CACNA1E: variants seen among roughly 807,000 people sequenced by gnomAD.
CACNA1E encodes the protein calcium voltage-gated channel subunit alpha1 E.
A neutral mutation model predicts 259.2 loss-of-function variants in CACNA1E; 40 were observed. That is an observed-to-expected ratio of 0.15 (90% CI 0.12 to 0.20). The LOEUF is 0.20. CACNA1E is among the 10% of genes least tolerant of loss of function. The probability of loss-of-function intolerance (pLI) is 1.00; values close to 1 mark genes in which losing one functional copy is unlikely to be tolerated. For synonymous variants in CACNA1E, 1,104 were observed against 1,138.5 expected, an observed-to-expected ratio of 0.97 and a Z score of 0.61; for missense variants, 1,874 against 3,040.1, an observed-to-expected ratio of 0.62 and a Z score of 9.02.
chr1:181,633,261 A>G (rs1354381790), intron 6 of CACNA1E, among the ~76,000 whole-genome samples: 4 of 152,088 alleles, frequency 2.6e-5, no homozygotes, highest in Non-Finnish European at 4.4e-5. Context: ...GCAGAACCTG[A>G]GTATAATATC....
chr1:181,734,237 C>A (rs1282129633), intron 21 of CACNA1E, among the ~76,000 whole-genome samples: 1 of 152,062 alleles, frequency 6.6e-6, no homozygotes, highest in African/African-American at 2.4e-5. Flanking sequence ...TGAGGCCTTT[C>A]CCTGTACTAA....
intron 38 of CACNA1E, among the ~76,000 whole-genome samples, chr1:181,779,819 TACACACACACACAC>T (rs56301632): frequency 4.0e-5 from 6 of 148,292 alleles, no homozygotes; most frequent in Admixed American, 2.7e-4. Context: ...TATGCACATG[TACACACACACACAC>T]ACACACACAC....
chr1:181,720,120 T>C (rs1255037985), intron 13 of CACNA1E, 86 bp from the exon 14 acceptor site: 1 of 1,468,714 alleles, frequency 6.8e-7, no homozygotes, highest in Admixed American at 1.8e-5. Flanking sequence ...GCTTATTTCA[T>C]AGACTACCAG....
intron 7 of CACNA1E, among the ~76,000 whole-genome samples, chr1:181,672,576 A>G (rs115706303): frequency 0.019 from 2,935 of 152,184 alleles, 30 homozygotes; most frequent in Middle Eastern, 0.034. Context: ...GTCAGAGGGA[A>G]CCTCGAGGCC....
At chr1:181,566,919 G>A (rs1056067058) in intron 3 of CACNA1E, among the ~76,000 whole-genome samples, 15 of 152,032 alleles carry the variant, frequency 9.9e-5, no homozygotes, top group African/African-American at 3.6e-4. Flanking sequence ...GGTGGGAGGG[G>A]GTTGGCAGGA....
chr1:181,739,310 G>A (rs1656342655), intron 25 of CACNA1E, 57 bp downstream of exon 25: 1 of 1,175,402 alleles, frequency 8.5e-7, no homozygotes, highest in Admixed American at 1.7e-5. Flanking sequence ...GGAGACTCCA[G>A]TTGATTTGAA....
At position 181,726,050 on chromosome 1, in the gene CACNA1E, C is replaced by T. The variant is rs376705486; in HGVS notation, c.2143-15C>T. ...CTGGGGATCCCAGGCAAAGCCATCT[C>T]TGCTTTGTGTCTAGGATGAACAGGA... On this transcript the variant is annotated splice_polypyrimidine_tract_variant and intron_variant, in intron 17 of 47. Coordinates refer to ENST00000367573, the MANE Select transcript of CACNA1E (RefSeq NM_001205293.3). 8.2e-6 allele frequency: 13 copies of T among 1,594,110 alleles called. No homozygotes were observed. In the African/African-American group the frequency reaches 1.2e-4, roughly 15 times the overall value.
intron 6 of CACNA1E, among the ~76,000 whole-genome samples, chr1:181,599,089 C>T (rs1653484140): frequency 6.6e-6 from 1 of 152,164 alleles, no homozygotes; most frequent in Admixed American, 6.5e-5. Flanking sequence ...ACTAGCTATT[C>T]TTCCTGAGCC....
At chr1:181,342,965 C>G (rs1571613392) in intron 1 of CACNA1E, among the ~76,000 whole-genome samples, 1 of 152,064 alleles carries the variant, frequency 6.6e-6, no homozygotes. Flanking sequence ...CATCAAGAGC[C>G]AGGGGAGAGG....
intron 1 of CACNA1E, among the ~76,000 whole-genome samples, chr1:181,350,174 C>G (rs928029898): frequency 6.6e-6 from 1 of 152,202 alleles, no homozygotes; most frequent in Non-Finnish European, 1.5e-5. Flanking sequence ...ATGCAGGCAG[C>G]CTTCCCTAAG....
At chr1:181,736,899 C>G (rs577343872) in intron 22 of CACNA1E, among the ~76,000 whole-genome samples, 1 of 152,152 alleles carries the variant, frequency 6.6e-6, no homozygotes, top group African/African-American at 2.4e-5. Flanking sequence ...CTACTCAGAG[C>G]AGAGGCAGGG....
intron 7 of CACNA1E, among the ~76,000 whole-genome samples, chr1:181,686,280 T>TTTTTTTTTTTTTTTG (rs1377272062): frequency 2.5e-5 from 3 of 122,076 alleles, no homozygotes; most frequent in Non-Finnish European, 5.1e-5. Context: ...ACCAAGTTTT[T>TTTTTTTTTTTTTTTG]TTTTTTTTTT....
chr1:181,479,888 C>G (rs181589542), upstream of CACNA1E, among the ~76,000 whole-genome samples: 1 of 152,158 alleles, frequency 6.6e-6, no homozygotes, highest in South Asian at 2.1e-4. Context: ...TGTCAAGGGT[C>G]GTGATACATG....
In CACNA1E at chr1:181,370,892, C is replaced by T. The variant is rs565550258; in HGVS notation, c.-14-42241C>T. On this transcript the variant is annotated intron_variant, in intron 1 of 11. Transcript: ENST00000524607. ...CTGAGCTAATTTACATTTCTACCATCAGCATATAAGTATTCCCTTTTCTCC... is the reference window on the plus strand; with the variant it reads ...CTGAGCTAATTTACATTTCTACCATTAGCATATAAGTATTCCCTTTTCTCC... Among the ~76,000 whole-genome samples the T allele has an allele frequency of 5.9e-5, 9 of 152,302 alleles. No individual in the cohort carries two copies. In the East Asian group the frequency reaches 1.7e-3, roughly 29 times the overall value.
intron 7 of CACNA1E, among the ~76,000 whole-genome samples, chr1:181,661,871 T>A (rs1043327344): frequency 6.6e-6 from 1 of 152,224 alleles, no homozygotes; most frequent in Non-Finnish European, 1.5e-5. Context: ...TGAGATCTAC[T>A]AGGCACAAAC....
At chr1:181,662,968 A>AAATTC in intron 7 of CACNA1E, among the ~76,000 whole-genome samples, 1 of 152,216 alleles carries the variant, frequency 6.6e-6, no homozygotes, top group Admixed American at 6.5e-5. Context: ...TTTCTTTGTT[A>AAATTC]AATTCCTGCT....
chr1:181,529,725 G>C (rs755647800), intron 3 of CACNA1E, among the ~76,000 whole-genome samples: 48 of 152,140 alleles, frequency 3.2e-4, no homozygotes, highest in Non-Finnish European at 4.7e-4. Flanking sequence ...GATTTGCATG[G>C]GCCCTGCAAC....
At chr1:181,740,178 A>G (rs1656429058) in intron 25 of CACNA1E, among the ~76,000 whole-genome samples, 2 of 152,182 alleles carry the variant, frequency 1.3e-5, no homozygotes, top group Admixed American at 1.3e-4. Flanking sequence ...TACAAGTGGA[A>G]GCCTCATCTT....
At chr1:181,338,614 T>C (rs560399323) in intron 1 of CACNA1E, among the ~76,000 whole-genome samples, 1 of 152,188 alleles carries the variant, frequency 6.6e-6, no homozygotes, top group South Asian at 2.1e-4. Flanking sequence ...TAGGCTGTCT[T>C]TTAATTTTGT....
Sources: allele counts gnomAD v4.1 joint callset (sites outside exome capture counted in the v4.1 genomes callset), GRCh38; gene constraint gnomAD v4.1.1; transcripts MANE v1.5; gene names NCBI Gene and HGNC (gene_info 2026-07-23, HGNC 2026-07-21).